The following RACGAP1 variants were observed in gnomAD, a reference collection of about 807,000 sequenced individuals.
RACGAP1 encodes the protein rac GTPase-activating protein 1.
RACGAP1 carries 30 observed loss-of-function variants against 78.1 expected under a neutral mutation model. The ratio of observed to expected loss-of-function variants is 0.38; its 90% CI spans 0.29 to 0.52. The LOEUF is 0.52. Among genes scored for constraint, RACGAP1 ranks in the 20% least tolerant of loss-of-function variants. The pLI, the probability that RACGAP1 is intolerant of heterozygous loss-of-function variation, is 0.82. For missense variants in RACGAP1, 587 were observed against 777.1 expected, an observed-to-expected ratio of 0.76 and a Z score of 2.91; for synonymous variants, 231 against 264.8, an observed-to-expected ratio of 0.87 and a Z score of 1.24.
intron 12 of RACGAP1, 100 bp from the exon 13 acceptor site, chr12:49,992,755 C>A: frequency 1.3e-6 from 1 of 781,312 alleles, no homozygotes; most frequent in South Asian, 1.9e-5. Flanking sequence ...CAGTAAGCTT[C>A]TGAAACTCCT....
Position 49,990,241 on chromosome 12 carries a change from G to T in RACGAP1, c.*27C>A, listed in dbSNP as rs1335621287. ...GTGTCCTTTCTTATAGTCAGTCAATGCTGGGAAGTAACAGGCAGATGTGAC... is the reference window on the plus strand; with the variant it reads ...GTGTCCTTTCTTATAGTCAGTCAATTCTGGGAAGTAACAGGCAGATGTGAC... On this transcript the variant is annotated 3_prime_UTR_variant, in exon 17 of 17. Transcript: ENST00000312377. The T allele has an allele frequency of 6.3e-7, 1 of 1,583,384 alleles. No homozygotes were observed. Among genetic ancestry groups the T allele is most frequent in the East Asian group, 2.2e-5 (1 of 44,706 alleles).
intron 2 of RACGAP1, among the ~76,000 whole-genome samples, chr12:50,012,682 C>G (rs1005561454): frequency 6.6e-6 from 1 of 151,976 alleles, no homozygotes; most frequent in Non-Finnish European, 1.5e-5. Flanking sequence ...TTGCTTGAAC[C>G]TGGGAGGCAG....
rs5798124 is a variant in RACGAP1 at position 50,032,152 on chromosome 12, AAATAAT to A, written c.-194-291_-194-286del. On this transcript the variant is annotated intron_variant, in intron 1 of 3. Coordinates refer to the RACGAP1 transcript ENST00000548247. ...CACAGCGAGACTCTGTCTCAAAAAT[AAATAAT>A]AATAATAATAATAATAGTTATTTCC... Among the ~76,000 whole-genome samples, 9 of 151,296 alleles carry A rather than the reference AAATAAT, an allele frequency of 5.9e-5. No homozygotes were observed. In the East Asian group the frequency reaches 1.2e-3, roughly 20 times the overall value.
At chr12:50,030,508 T>C (rs1342850572) in intron 2 of RACGAP1, among the ~76,000 whole-genome samples, 1 of 151,986 alleles carries the variant, frequency 6.6e-6, no homozygotes, top group African/African-American at 2.4e-5. Flanking sequence ...CCCAACATGG[T>C]GAAGCCCTGT....
intron 7 of RACGAP1, among the ~76,000 whole-genome samples, chr12:50,000,904 C>T (rs893473635): frequency 6.6e-6 from 1 of 152,094 alleles, no homozygotes; most frequent in Non-Finnish European, 1.5e-5. Flanking sequence ...AAAAATTAGC[C>T]AGACGTGGTG....
upstream of RACGAP1, chr12:50,025,628 T>C (rs1261600064): frequency 3.5e-6 from 3 of 862,794 alleles, no homozygotes; most frequent in African/African-American, 3.7e-5. Flanking sequence ...AAGCCAAAGG[T>C]GGCCATTTTG....
chr12:50,000,729 G>A (rs1028408218), intron 7 of RACGAP1, among the ~76,000 whole-genome samples: 2 of 152,124 alleles, frequency 1.3e-5, no homozygotes, highest in Non-Finnish European at 2.9e-5. Flanking sequence ...TCCATTCATA[G>A]GGATAAGGAT....
Position 49,994,461 on chromosome 12 carries a change from T to C in RACGAP1, c.1093A>G (p.Ile365Val). 6.2e-7 allele frequency: 1 copy of C among 1,613,912 alleles called. No homozygotes were observed. Among genetic ancestry groups the C allele is most frequent in the Non-Finnish European group, 8.5e-7 (1 of 1,179,990 alleles). ...VSQTSPMIPS[I>V]VVHCVNEIEQ... Reference sequence around the variant, plus strand: ...ATCTCATTTACACAATGCACAACAATGGAGGGGATCATTGGAGAAGTCTGG... The same window carrying C: ...ATCTCATTTACACAATGCACAACAACGGAGGGGATCATTGGAGAAGTCTGG... Residue 365 changes from isoleucine (I) to valine (V), a missense_variant, in exon 11 of 17, where the codon ATT (isoleucine) becomes GTT (valine). Ile to Val is a conservative substitution (Grantham distance 29). Coordinates refer to ENST00000312377, the MANE Select transcript of RACGAP1 (RefSeq NM_001319999.2).
At position 49,994,503 on chromosome 12, in the gene RACGAP1, G is replaced by A. The variant is rs61758779; in HGVS notation, c.1051C>T (p.Leu351=). 1.1e-5 allele frequency: 18 copies of A among 1,611,136 alleles called. No homozygotes were observed. The South Asian group carries it at 1.8e-4, about 16-fold the overall frequency. The change falls in exon 11 of 17, where the codon CTG becomes TTG. Residue 351 remains leucine (L), a synonymous_variant. Coordinates refer to ENST00000312377, the MANE Select transcript of RACGAP1 (RefSeq NM_001319999.2). ...GAAGTCTGGGACACAAAGTCTGCCA[G>A]CATTCCCTGGAAAAAAAAAAGAGCT... is the stretch of plus-strand genomic sequence containing the variant. ...GTPVKIGEGM[L]ADFVSQTSPM...
intron 1 of RACGAP1, among the ~76,000 whole-genome samples, chr12:50,017,381 A>G (rs1355885130): frequency 6.6e-6 from 1 of 152,244 alleles, no homozygotes; most frequent in Non-Finnish European, 1.5e-5. Context: ...TTCTGGCATC[A>G]GAGAGACAAT....
Position 49,992,320 on chromosome 12 carries a change from G to A in RACGAP1, c.1503C>T (p.Gly501=), listed in dbSNP as rs1021159757. The stretch of plus-strand genomic sequence containing the variant: ...GCACAGCATGGGCCACTATTGTAGG[G>A]CCAAAGACTTTAGCCAGATTGGCAA... ...MDVANLAKVF[G]PTIVAHAVPN... The change falls in exon 14 of 17, where the codon GGC becomes GGT. Residue 501 remains glycine, a synonymous_variant. Coordinates refer to ENST00000312377, the MANE Select transcript of RACGAP1 (RefSeq NM_001319999.2). The A allele has an allele frequency of 1.9e-6, 3 of 1,614,014 alleles. No homozygotes were observed. The highest frequency in any genetic ancestry group is 2.5e-6 in the Non-Finnish European group (3 of 1,180,012).
At chr12:50,027,474 A>G (rs7972522), upstream of RACGAP1, among the ~76,000 whole-genome samples, 32,072 of 152,082 alleles carry the variant, frequency 0.21, 6,672 homozygotes, top group African/African-American at 0.54. Flanking sequence ...AAGGGAATGG[A>G]AAATTACTGG....
At chr12:50,017,933 G>C in intron 1 of RACGAP1, among the ~76,000 whole-genome samples, 1 of 152,172 alleles carries the variant, frequency 6.6e-6, no homozygotes, top group Non-Finnish European at 1.5e-5. Context: ...CAGGCGGGCG[G>C]ATCACTTGAG....
At chr12:50,012,725 C>G (rs1039121442) in intron 2 of RACGAP1, among the ~76,000 whole-genome samples, 2 of 151,648 alleles carry the variant, frequency 1.3e-5, no homozygotes, top group South Asian at 4.2e-4. Context: ...TACCACTGCA[C>G]TCCAGCCTGG....
chr12:50,027,759 G>A (rs763174458), upstream of RACGAP1, among the ~76,000 whole-genome samples: 3 of 152,196 alleles, frequency 2.0e-5, no homozygotes, highest in African/African-American at 7.2e-5. Context: ...CCGGGAGGCA[G>A]AGGTTGTGGT....
At chr12:50,028,920 A>G (rs982067940), upstream of RACGAP1, among the ~76,000 whole-genome samples, 1 of 152,036 alleles carries the variant, frequency 6.6e-6, no homozygotes, top group Non-Finnish European at 1.5e-5. Context: ...TGTCTCTACT[A>G]ACAACACAAA....
chr12:50,028,653 T>TC (rs1950302854), upstream of RACGAP1, among the ~76,000 whole-genome samples: 1 of 151,568 alleles, frequency 6.6e-6, no homozygotes, highest in East Asian at 1.9e-4. Flanking sequence ...ATGCCTGTAA[T>TC]CCCAGCTACT....
chr12:50,016,768 A>C (rs1489429366), intron 1 of RACGAP1, 49 bp from the exon 2 acceptor site: 20 of 1,579,752 alleles, frequency 1.3e-5, no homozygotes, highest in Non-Finnish European at 1.7e-5. Context: ...CTCGCCCACA[A>C]CAAAAGATTC....
Position 50,004,123 on chromosome 12 carries a change from T to A in RACGAP1, c.495+112A>T, listed in dbSNP as rs1948836511. On this transcript the variant is annotated intron_variant, in intron 5 of 16. Coordinates refer to ENST00000312377, the MANE Select transcript of RACGAP1 (RefSeq NM_001319999.2). ...TTGCTAGCTCAGAATCTATAACACA[T>A]CAACTAATAAAATAGTAATATAGGA... The A allele has an allele frequency of 2.2e-6, 3 of 1,393,824 alleles. No individual in the cohort carries two copies. In the African/African-American group the frequency reaches 4.3e-5, roughly 20 times the overall value. 86.3% of individuals were successfully genotyped at this position (1,393,824 alleles called of 1,614,324 possible).
Sources: gnomAD v4.1 joint callset for allele counts (sites outside exome capture counted in the v4.1 genomes callset) on GRCh38, gnomAD v4.1.1 for gene constraint, MANE v1.5 for transcripts, NCBI Gene and HGNC (gene_info 2026-07-23, HGNC 2026-07-21) for gene names.